The following TRAF5 variants were observed in gnomAD, a reference collection of about 807,000 sequenced individuals.
TRAF5 encodes the protein TNF receptor associated factor 5, also known as TNF receptor-associated factor 5.
TRAF5 carries 48 observed loss-of-function variants against 64.5 expected under a neutral mutation model. That is an observed-to-expected ratio of 0.74 (90% CI 0.59 to 0.95). The LOEUF is 0.95. Ranked by LOEUF, TRAF5 falls within the 40% of genes least tolerant of loss-of-function variation. The pLI, the probability that TRAF5 is intolerant of heterozygous loss-of-function variation, is 0.00. For missense variants in TRAF5, 545 were observed against 662.8 expected (o/e 0.82, Z 1.95); for synonymous variants, 206 against 240.5 (o/e 0.86, Z 1.33).
chr1:211,347,085 T>G (rs1378752052), intron 1 of TRAF5, among the ~76,000 whole-genome samples: 1 of 152,148 alleles, frequency 6.6e-6, no homozygotes, highest in Non-Finnish European at 1.5e-5. Flanking sequence ...TTAGCAGTTT[T>G]GATATGTTTT....
intron 1 of TRAF5, among the ~76,000 whole-genome samples, chr1:211,352,440 CTAAAA>C: frequency 1.1e-5 from 1 of 87,088 alleles, no homozygotes; most frequent in South Asian, 4.1e-4. Flanking sequence ...GTCACTGTCT[CTAAAA>C]AAAAAAAAAA....
intron 1 of TRAF5, among the ~76,000 whole-genome samples, chr1:211,352,441 T>TCAA (rs1702814908): frequency 1.3e-5 from 1 of 76,138 alleles, no homozygotes. Context: ...TCACTGTCTC[T>TCAA]AAAAAAAAAA....
At position 211,327,124 on chromosome 1, in the gene TRAF5, C is replaced by G. The variant is rs370336332; in HGVS notation, c.-2+235C>G. On this transcript the variant is annotated intron_variant, in intron 1 of 10. Coordinates refer to ENST00000261464, the MANE Select transcript of TRAF5 (RefSeq NM_001033910.3). The stretch of plus-strand genomic sequence containing the variant: ...CAGGTGACCGCCGACGGCCCGGGGA[C>G]AGCGGGAGCGGTGCGGAGCGGGTTT... 6.0e-3 allele frequency among the ~76,000 whole-genome samples: 920 copies of G among 152,114 alleles called. 11 individuals carry two copies. Among genetic ancestry groups the G allele is most frequent in the African/African-American group, 0.021 (874 of 41,516 alleles).
intron 7 of TRAF5, among the ~76,000 whole-genome samples, chr1:211,364,269 A>G (rs1703277375): frequency 2.0e-5 from 3 of 152,232 alleles, no homozygotes; most frequent in African/African-American, 7.2e-5. Context: ...TTTTGAGGGC[A>G]ACAAATTTGT....
At chr1:211,328,649 T>C (rs889305371) in intron 1 of TRAF5, among the ~76,000 whole-genome samples, 1 of 152,198 alleles carries the variant, frequency 6.6e-6, no homozygotes, top group African/African-American at 2.4e-5. Flanking sequence ...GGGAGCTAGA[T>C]GCCTCAGAGT....
chr1:211,374,047 A>G lies in TRAF5; in HGVS notation c.*1345A>G, dbSNP rs1703619019. 1 of 152,138 alleles carries G rather than the reference A, an allele frequency of 6.6e-6. No homozygotes were observed. Among genetic ancestry groups the G allele is most frequent in the Non-Finnish European group, 1.5e-5 (1 of 68,022 alleles). The allele number at this position is 152,138 out of a possible 1,614,324, so 9.4% of individuals were successfully genotyped here. On this transcript the variant is annotated 3_prime_UTR_variant, in exon 11 of 11. Coordinates refer to ENST00000261464, the MANE Select transcript of TRAF5 (RefSeq NM_001033910.3). The stretch of plus-strand genomic sequence containing the variant: ...CGCGTCAAGCCTCTGACAACTATTG[A>G]ATTTGTAAGCTGCTATGCAAATGGG...
chr1:211,366,904 T>C (rs973093012), intron 8 of TRAF5, among the ~76,000 whole-genome samples: 1 of 152,234 alleles, frequency 6.6e-6, no homozygotes, highest in Non-Finnish European at 1.5e-5. Flanking sequence ...TTTGAACTAA[T>C]GTTTTTTTCA....
intron 1 of TRAF5, among the ~76,000 whole-genome samples, chr1:211,331,748 C>T (rs1052543880): frequency 1.3e-5 from 2 of 152,232 alleles, no homozygotes; most frequent in East Asian, 1.9e-4. Flanking sequence ...TCACTGCAAC[C>T]TCTGCCTCGC....
chr1:211,342,409 TGGGCATACAA>T (rs1339358400), intron 1 of TRAF5, among the ~76,000 whole-genome samples: 4 of 152,186 alleles, frequency 2.6e-5, no homozygotes, highest in Non-Finnish European at 5.9e-5. Context: ...TATTTTGATA[TGGGCATACAA>T]TGCATAATAA....
rs1558150391 is a variant in TRAF5 at position 211,372,116 on chromosome 1, T to C, written c.1100-12T>C. The C allele has an allele frequency of 2.1e-6, 3 of 1,442,356 alleles. No homozygotes were observed. Among genetic ancestry groups the C allele is most frequent in the South Asian group, 1.5e-5 (1 of 67,410 alleles). The allele number at this position is 1,442,356 out of a possible 1,614,324, so 89.3% of individuals were successfully genotyped here. A position where few individuals can be genotyped will look rare whatever the true frequency, so the allele number is the denominator to read the frequency against. The stretch of plus-strand genomic sequence containing the variant: ...CTATGGAATCTTTTTTTTTTTTTTT[T>C]CTTATTTGCAGCCGTTTTAGAAGAG... On this transcript the variant is annotated splice_polypyrimidine_tract_variant and intron_variant, in intron 10 of 10. Transcript: ENST00000261464.
intron 1 of TRAF5, 61 bp from the exon 2 acceptor site, chr1:211,353,178 G>A: frequency 6.9e-7 from 1 of 1,456,640 alleles, no homozygotes; most frequent in Non-Finnish European, 9.6e-7. Context: ...AGCATCTGAT[G>A]GCTGTGGTTG....
intron 7 of TRAF5, among the ~76,000 whole-genome samples, chr1:211,365,112 G>A (rs1703308341): frequency 6.6e-6 from 1 of 152,066 alleles, no homozygotes; most frequent in Admixed American, 6.5e-5. Flanking sequence ...GGCAGAGTCT[G>A]CAGTGAGCCA....
At position 211,372,424 on chromosome 1, in the gene TRAF5, A is replaced by G. The variant is rs747821364; in HGVS notation, c.1396A>G (p.Met466Val). ...GSHLSLYFVVMRGEFDSLLQW... is the reference protein window; with the variant it reads ...GSHLSLYFVVVRGEFDSLLQW... ...ACACCTGTCCCTATACTTTGTGGTC[A>G]TGCGAGGAGAGTTTGACTCACTGTT... The change falls in exon 11 of 11, where the codon ATG (methionine) becomes GTG (valine). Residue 466 changes from methionine to valine, a missense_variant. Transcript: ENST00000261464. 8 of 1,614,050 alleles carry G rather than the reference A, an allele frequency of 5.0e-6. No homozygotes were observed. Among genetic ancestry groups the G allele is most frequent in the Admixed American group, 3.3e-5 (2 of 60,004 alleles).
Position 211,354,420 on chromosome 1 carries a change from A to C in TRAF5, c.229A>C (p.Thr77Pro), listed in dbSNP as rs1558140773. 2 of 1,614,148 alleles carry C rather than the reference A, an allele frequency of 1.2e-6. No homozygotes were observed. Among genetic ancestry groups the C allele is most frequent in the Admixed American group, 1.7e-5 (1 of 60,022 alleles). ...HCILSLRELN[T>P]VPICPVDKEV... Reference sequence around the variant, plus strand: ...AATTTTTTTCTCCAGAGAATTAAACACAGTGCCAATCTGCCCTGTAGATAA... The same window carrying C: ...AATTTTTTTCTCCAGAGAATTAAACCCAGTGCCAATCTGCCCTGTAGATAA... The change falls in exon 3 of 11, where the codon ACA becomes CCA. Residue 77 changes from threonine to proline, a missense_variant. Physicochemically the swap from Thr to Pro is conservative, Grantham distance 38 (BLOSUM62 -1). Transcript: ENST00000261464.
At chr1:211,330,640 C>T (rs146511535) in intron 1 of TRAF5, among the ~76,000 whole-genome samples, 23 of 152,292 alleles carry the variant, frequency 1.5e-4, no homozygotes, top group Admixed American at 2.6e-4. Context: ...CACTCGGCAC[C>T]GTGCACCTGC....
At position 211,372,731 on chromosome 1, in the gene TRAF5, C is replaced by T. The variant is rs544270027; in HGVS notation, c.*29C>T. ...CTGTTATGGGGTGATAAGAGGACTT[C>T]TTGGGGCCAGAACTGTGGAGGAGAG... On this transcript the variant is annotated 3_prime_UTR_variant, in exon 11 of 11. Coordinates refer to ENST00000261464, the MANE Select transcript of TRAF5 (RefSeq NM_001033910.3). 6.3e-7 allele frequency: 1 copy of T among 1,592,700 alleles called. No homozygotes were observed. Among genetic ancestry groups the T allele is most frequent in the Admixed American group, 1.7e-5 (1 of 59,520 alleles).
chr1:211,363,800 C>A (rs1031951650), intron 7 of TRAF5, among the ~76,000 whole-genome samples: 1 of 151,338 alleles, frequency 6.6e-6, no homozygotes, highest in African/African-American at 2.4e-5. Flanking sequence ...AGTCCCAGCT[C>A]CTTGGGAGGC....
intron 1 of TRAF5, among the ~76,000 whole-genome samples, chr1:211,351,507 G>C (rs1415806395): frequency 6.6e-6 from 1 of 151,972 alleles, no homozygotes; most frequent in African/African-American, 2.4e-5. Context: ...TAGATACTGT[G>C]AGTAATATAT....
intron 9 of TRAF5, among the ~76,000 whole-genome samples, chr1:211,370,553 G>GT (rs1703490169): frequency 6.6e-6 from 1 of 152,028 alleles, no homozygotes; most frequent in Admixed American, 6.6e-5. Flanking sequence ...TGAAAATATC[G>GT]TAAGTCAAAA....
Sources: allele counts gnomAD v4.1 joint callset (sites outside exome capture counted in the v4.1 genomes callset), GRCh38; gene constraint gnomAD v4.1.1; transcripts MANE v1.5; gene names NCBI Gene and HGNC (gene_info 2026-07-23, HGNC 2026-07-21).